The following NFATC2 variants were observed in gnomAD, a reference collection of about 807,000 sequenced individuals.
NFATC2 encodes nuclear factor of activated T cells 2, also known as nuclear factor of activated T-cells, cytoplasmic 2.
NFATC2 carries 22 observed loss-of-function variants against 87.3 expected under a neutral mutation model. That is an observed-to-expected ratio of 0.25 (90% CI 0.18 to 0.36). The LOEUF (loss-of-function observed/expected upper bound fraction) is 0.36, where lower values mean the gene tolerates loss of function less well. Ranked by LOEUF, NFATC2 falls within the 10% of genes least tolerant of loss-of-function variation. The pLI is 1.00. For synonymous variants in NFATC2, 565 were observed against 542.2 expected (o/e 1.04, Z -0.58); for missense variants, 1,149 against 1,259.1 (o/e 0.91, Z 1.32).
chr20:51,474,196 G>C lies in NFATC2; in HGVS notation c.1536-44C>G, dbSNP rs752400314. 6 of 1,599,432 alleles carry C rather than the reference G, an allele frequency of 3.8e-6. No homozygotes were observed. The Admixed American group carries it at 1.0e-4, about 27-fold the overall frequency. On this transcript the variant is annotated intron_variant, in intron 4 of 10. Transcript: ENST00000371564. Reference sequence around the variant, plus strand: ...CCCCATTGTCACCAACTACCTTCAGGAGCAGGAAAGATCACCCCCAAAGCT... The same window carrying C: ...CCCCATTGTCACCAACTACCTTCAGCAGCAGGAAAGATCACCCCCAAAGCT...
chr20:51,523,989 G>C lies in NFATC2; in HGVS notation c.252C>G (p.Gly84=). The C allele has an allele frequency of 1.9e-6, 3 of 1,571,502 alleles. No homozygotes were observed. The South Asian group carries it at 3.5e-5, about 19-fold the overall frequency. Residue 84 remains glycine (G), a synonymous_variant, in exon 2 of 11, where the codon GGC becomes GGG. Transcript: ENST00000371564. The surrounding 1 kb of genome is among the most constrained non-coding windows in gnomAD (Gnocchi z 6.9). The part of the protein sequence containing the change: ...PLASLSGEPP[G]RFGEPDRVGP... Reference sequence around the variant, plus strand: ...CTACCCTATCCGGCTCTCCGAATCGGCCGGGGGGCTCGCCAGAGAGACTAG... The same window carrying C: ...CTACCCTATCCGGCTCTCCGAATCGCCCGGGGGGCTCGCCAGAGAGACTAG...
intron 1 of NFATC2, among the ~76,000 whole-genome samples, chr20:51,548,040 T>C (rs930116103): frequency 4.5e-4 from 69 of 152,156 alleles, no homozygotes; most frequent in African/African-American, 1.6e-3. Context: ...AAATTAAAAT[T>C]AAATACAAAG....
Position 51,488,015 on chromosome 20 carries a change from C to T in NFATC2, c.1333-12355G>A, listed in dbSNP as rs572661486. 1.2e-4 allele frequency among the ~76,000 whole-genome samples: 19 copies of T among 152,134 alleles called. No individual in the cohort carries two copies. In the East Asian group the frequency reaches 2.9e-3, roughly 23 times the overall value. On this transcript the variant is annotated intron_variant, in intron 3 of 10. Coordinates refer to ENST00000371564, the MANE Select transcript of NFATC2 (RefSeq NM_012340.5). ...GGGACCCACTGGCAGATCAACAAAA[C>T]GCATCATTCAGGAACAAGGGGCCCG...
intron 5 of NFATC2, among the ~76,000 whole-genome samples, chr20:51,457,310 T>C (rs1986655799): frequency 6.6e-6 from 1 of 152,190 alleles, no homozygotes; most frequent in African/African-American, 2.4e-5. Flanking sequence ...CCACCCATTT[T>C]ACAGGTGGAA....
chr20:51,456,587 C>G (rs1313803709), intron 5 of NFATC2, among the ~76,000 whole-genome samples: 13 of 152,230 alleles, frequency 8.5e-5, no homozygotes. Flanking sequence ...AGGGCCCCAC[C>G]TCCTCAGGCC....
At chr20:51,472,179 C>G (rs537028497) in intron 5 of NFATC2, among the ~76,000 whole-genome samples, 1 of 152,114 alleles carries the variant, frequency 6.6e-6, no homozygotes, top group African/African-American at 2.4e-5. Flanking sequence ...CACTTGAACC[C>G]GGGAGGTAGA....
Position 51,454,422 on chromosome 20 carries a change from A to G in NFATC2, c.1849+126T>C, listed in dbSNP as rs1397381045. ...CACAATCCCTGAAGACACGCTGAGTAAAAAGAGCAGGGTATAAAACTGCAC... is the reference window on the plus strand; with the variant it reads ...CACAATCCCTGAAGACACGCTGAGTGAAAAGAGCAGGGTATAAAACTGCAC... On this transcript the variant is annotated intron_variant, in intron 6 of 10. Coordinates refer to ENST00000371564, the MANE Select transcript of NFATC2 (RefSeq NM_012340.5). The G allele has an allele frequency of 1.9e-5, 18 of 940,534 alleles. 1 individual carries two copies. The Middle Eastern group carries it at 8.9e-4, about 46-fold the overall frequency. 58.3% of individuals were successfully genotyped at this position (940,534 alleles called of 1,614,324 possible). A position where few individuals can be genotyped will look rare whatever the true frequency, so the allele number is the denominator to read the frequency against.
At position 51,432,166 on chromosome 20, in the gene NFATC2, C is replaced by T. The variant is rs553983994; in HGVS notation, c.2623G>A (p.Ala875Thr). ...QQQNATSQRA[A>T]KNGPPVSDQK... ...TCACTGACCGGGGGTCCGTTTTTGGCGGCTCTTTGGCTCGTGGCATTCTGC... is the reference window on the plus strand; with the variant it reads ...TCACTGACCGGGGGTCCGTTTTTGGTGGCTCTTTGGCTCGTGGCATTCTGC... Residue 875 changes from alanine (A) to threonine (T), a missense_variant, in exon 9 of 11, where the codon GCC becomes ACC. Physicochemically the swap from Ala to Thr is moderately conservative, Grantham distance 58. Around this residue, in one of 3 missense-constraint regions of NFATC2, gnomAD observed 581 missense variants for 649.7 expected, o/e 0.89. Coordinates refer to ENST00000371564, the MANE Select transcript of NFATC2 (RefSeq NM_012340.5). This position sits in a 1 kb window ranked among gnomAD's most constrained non-coding sequence, Gnocchi z 4.6. The T allele has an allele frequency of 1.3e-5, 21 of 1,603,178 alleles. No homozygotes were observed. Among genetic ancestry groups the T allele is most frequent in the East Asian group, 4.5e-5 (2 of 44,664 alleles).
At chr20:51,456,760 G>T (rs761824443) in intron 5 of NFATC2, among the ~76,000 whole-genome samples, 1 of 152,212 alleles carries the variant, frequency 6.6e-6, no homozygotes, top group Non-Finnish European at 1.5e-5. Context: ...GGCAGCAACC[G>T]CGTGAGGCCC....
chr20:51,407,973 T>G (rs1022960681), intron 9 of NFATC2, among the ~76,000 whole-genome samples: 2 of 152,138 alleles, frequency 1.3e-5, no homozygotes, highest in African/African-American at 4.8e-5. Context: ...CCTGAGCTGT[T>G]TAGAGACAGG....
intron 9 of NFATC2, among the ~76,000 whole-genome samples, chr20:51,422,207 T>A (rs1175535327): frequency 1.3e-5 from 2 of 152,204 alleles, no homozygotes; most frequent in Non-Finnish European, 2.9e-5. Flanking sequence ...AAAACCAAGT[T>A]GGGGTGCTCA....
chr20:51,486,480 G>A (rs903100353), intron 3 of NFATC2, among the ~76,000 whole-genome samples: 2 of 152,146 alleles, frequency 1.3e-5, no homozygotes, highest in South Asian at 4.1e-4. Context: ...CCCTCCCTGG[G>A]TAGCCTGGCA....
At chr20:51,554,431 T>C (rs1406413045) in intron 1 of NFATC2, among the ~76,000 whole-genome samples, 1 of 152,176 alleles carries the variant, frequency 6.6e-6, no homozygotes, top group Non-Finnish European at 1.5e-5. Flanking sequence ...ATCAGGACCC[T>C]ACAGAAAAGA....
At chr20:51,409,023 C>T (rs1046470011) in intron 9 of NFATC2, among the ~76,000 whole-genome samples, 4 of 152,092 alleles carry the variant, frequency 2.6e-5, no homozygotes, top group African/African-American at 7.2e-5. Context: ...TTCTGTTCAC[C>T]GAAAGACATC....
intron 10 of NFATC2, among the ~76,000 whole-genome samples, chr20:51,397,131 C>G (rs913827270): frequency 1.3e-5 from 2 of 152,146 alleles, no homozygotes; most frequent in Non-Finnish European, 2.9e-5. Context: ...GACCTTGCCT[C>G]GGCCTCCCAA....
intron 3 of NFATC2, among the ~76,000 whole-genome samples, chr20:51,488,252 C>T (rs749494098): frequency 4.6e-5 from 7 of 152,164 alleles, no homozygotes; most frequent in Admixed American, 2.0e-4. Flanking sequence ...GGTGAAGAAT[C>T]GGGTGCTTCT....
At chr20:51,428,806 C>T (rs113007380) in intron 9 of NFATC2, among the ~76,000 whole-genome samples, 48 of 152,332 alleles carry the variant, frequency 3.2e-4, no homozygotes, top group African/African-American at 1.1e-3. Context: ...CCAGCTCTTA[C>T]AAAGTTTCCA....
rs370396761 is a variant in NFATC2, at chr20:51,552,199, C to A, written c.70+10361G>T. On this transcript the variant is annotated intron_variant, in intron 1 of 10. Coordinates refer to the NFATC2 transcript ENST00000414705. Reference sequence around the variant, plus strand: ...AGCTGAAACAGGAGGATGGCTTGAGCCCAGGAGGCTGACGCTGCAGTGAGC... The same window carrying A: ...AGCTGAAACAGGAGGATGGCTTGAGACCAGGAGGCTGACGCTGCAGTGAGC... Among the ~76,000 whole-genome samples, 41 of 152,254 alleles carry A rather than the reference C, an allele frequency of 2.7e-4. 1 individual carries two copies. Among genetic ancestry groups the A allele is most frequent in the African/African-American group, 7.7e-4 (32 of 41,536 alleles).
intron 3 of NFATC2, among the ~76,000 whole-genome samples, chr20:51,513,785 G>A (rs1418844203): frequency 6.6e-6 from 1 of 152,268 alleles, no homozygotes; most frequent in Non-Finnish European, 1.5e-5. Context: ...TAGCTCCCAT[G>A]AGGTGATGAC....
Sources: allele counts gnomAD v4.1 joint callset (sites outside exome capture counted in the v4.1 genomes callset), GRCh38; gene constraint gnomAD v4.1.1; regional missense constraint gnomAD v4.1.1; non-coding constraint Gnocchi (gnomAD v3.1); transcripts MANE v1.5; gene names NCBI Gene and HGNC (gene_info 2026-07-23, HGNC 2026-07-21).